DYNC1H1: variants seen among roughly 807,000 people sequenced by gnomAD.
The protein encoded by DYNC1H1 is cytoplasmic dynein 1 heavy chain 1.
DYNC1H1 carries 51 observed loss-of-function variants against 527.1 expected under a neutral mutation model. The ratio of observed to expected loss-of-function variants is 0.10; its 90% CI spans 0.08 to 0.12. The LOEUF is 0.12. Among genes scored for constraint, DYNC1H1 ranks in the 10% least tolerant of loss-of-function variants. The probability of loss-of-function intolerance (pLI) is 1.00; values close to 1 mark genes in which losing one functional copy is unlikely to be tolerated. For synonymous variants in DYNC1H1, 2,189 were observed against 2,278.8 expected, an observed-to-expected ratio of 0.96 and a Z score of 1.12; for missense variants, 2,771 against 5,971.8, an observed-to-expected ratio of 0.46 and a Z score of 17.66.
chr14:102,033,686 C>A lies in DYNC1H1; in HGVS notation c.10413+202C>A. Reference sequence around the variant, plus strand: ...GTTAATTAGGATAGATTGATACAAACTGGACACTTTTCAGCCGTTGAATCC... The same window carrying A: ...GTTAATTAGGATAGATTGATACAAAATGGACACTTTTCAGCCGTTGAATCC... On this transcript the variant is annotated intron_variant, in intron 54 of 77. Coordinates refer to ENST00000360184, the MANE Select transcript of DYNC1H1 (RefSeq NM_001376.5). The surrounding 1 kb of genome is among the most constrained non-coding windows in gnomAD (Gnocchi z 5.6). 1.3e-6 allele frequency: 1 copy of A among 748,486 alleles called. No individual in the cohort carries two copies. Among genetic ancestry groups the A allele is most frequent in the Non-Finnish European group, 2.2e-6 (1 of 452,686 alleles). The allele number at this position is 748,486 out of a possible 1,614,324, so 46.4% of individuals were successfully genotyped here.
rs1387872742 is a variant in DYNC1H1, at chr14:102,016,803, A to G, written c.7652A>G (p.Lys2551Arg). 3.1e-6 allele frequency: 5 copies of G among 1,613,820 alleles called. No individual in the cohort carries two copies. Among genetic ancestry groups the G allele is most frequent in the South Asian group, 1.1e-5 (1 of 91,078 alleles). Residue 2551 changes from lysine (K) to arginine (R), a missense_variant, in exon 38 of 78, where the codon AAG (lysine) becomes AGG (arginine). Physicochemically the swap from Lys to Arg is conservative, Grantham distance 26. Around this residue, in one of 32 missense-constraint regions of DYNC1H1, gnomAD observed 71 missense variants for 143.6 expected, o/e 0.49. Transcript: ENST00000360184. The surrounding 1 kb of genome is among the most constrained non-coding windows in gnomAD (Gnocchi z 7.3). Reference sequence around the variant, plus strand: ...GGAGAATGGTCTCCGTGGCAGGCCAAGGTGCCTCAGATTGAAGTGGAGACG... The same window carrying G: ...GGAGAATGGTCTCCGTGGCAGGCCAGGGTGCCTCAGATTGAAGTGGAGACG... ...ISGEWSPWQA[K>R]VPQIEVETHK...
Position 102,018,442 on chromosome 14 carries a change from T to C in DYNC1H1, c.8178-9T>C. 1 of 1,613,044 alleles carries C rather than the reference T, an allele frequency of 6.2e-7. No individual in the cohort carries two copies. Among genetic ancestry groups the C allele is most frequent in the Non-Finnish European group, 8.5e-7 (1 of 1,179,948 alleles). ...GGGAGGGGCGCTGAGCGGGGCTATC[T>C]GTGCACAGGTTCCTGCGCCACGTGC... On this transcript the variant is annotated splice_polypyrimidine_tract_variant and intron_variant, in intron 40 of 77. Coordinates refer to ENST00000360184, the MANE Select transcript of DYNC1H1 (RefSeq NM_001376.5). This position sits in a 1 kb window ranked among gnomAD's most constrained non-coding sequence, Gnocchi z 5.2.
intron 1 of DYNC1H1, 114 bp from the exon 2 acceptor site, chr14:101,975,598 A>C: frequency 2.2e-6 from 2 of 914,278 alleles, no homozygotes; most frequent in Non-Finnish European, 3.5e-6. Context: ...CAAGTCATGT[A>C]GGTGTCGATA....
At position 102,040,588 on chromosome 14, in the gene DYNC1H1, G is replaced by A. The variant is rs1595630757; in HGVS notation, c.11866-10G>A. 2 of 1,614,142 alleles carry A rather than the reference G, an allele frequency of 1.2e-6. No homozygotes were observed. Among genetic ancestry groups the A allele is most frequent in the Non-Finnish European group, 1.7e-6 (2 of 1,180,042 alleles). ...CTGCTCCATGGGTGCTTCCACTATT[G>A]TCTCCACAGCAATTTGGCATCTGGC... On this transcript the variant is annotated splice_polypyrimidine_tract_variant and intron_variant, in intron 63 of 77. Transcript: ENST00000360184.
At position 102,016,062 on chromosome 14, in the gene DYNC1H1, C is replaced by A. The variant is rs17541158; in HGVS notation, c.7449C>A (p.Ile2483=). Residue 2483 remains isoleucine (I), a synonymous_variant, in exon 36 of 78, where the codon ATC becomes ATA. Coordinates refer to ENST00000360184, the MANE Select transcript of DYNC1H1 (RefSeq NM_001376.5). This position sits in a 1 kb window ranked among gnomAD's most constrained non-coding sequence, Gnocchi z 7.3. ...ACCATCCCGACTTCCCCATGCAGATCGAGCAGCTGGAGCGCTACATTCAGG... is the reference window on the plus strand; with the variant it reads ...ACCATCCCGACTTCCCCATGCAGATAGAGCAGCTGGAGCGCTACATTCAGG... ...NANHPDFPMQ[I]EQLERYIQRY... 1.2e-6 allele frequency: 2 copies of A among 1,611,768 alleles called. No individual in the cohort carries two copies. Among genetic ancestry groups the A allele is most frequent in the Non-Finnish European group, 1.7e-6 (2 of 1,179,300 alleles).
chr14:101,991,781 C>A, intron 11 of DYNC1H1, 108 bp downstream of exon 11: 1 of 1,499,680 alleles, frequency 6.7e-7, no homozygotes, highest in Non-Finnish European at 9.2e-7. Context: ...ATGTTGTTTA[C>A]AAACTCCAGA....
In DYNC1H1 at chr14:102,042,137, G is replaced by A. The variant is rs1362075028; in HGVS notation, c.12214+13G>A. The A allele has an allele frequency of 7.4e-6, 12 of 1,613,980 alleles. No homozygotes were observed. Among genetic ancestry groups the A allele is most frequent in the African/African-American group, 2.7e-5 (2 of 74,892 alleles). Reference sequence around the variant, plus strand: ...TCAATTGCAATCGGTAAGGATGCTTGAGGGGCTTCATGGGCTGGAGCCCTG... The same window carrying A: ...TCAATTGCAATCGGTAAGGATGCTTAAGGGGCTTCATGGGCTGGAGCCCTG... On this transcript the variant is annotated intron_variant, in intron 66 of 77. Coordinates refer to ENST00000360184, the MANE Select transcript of DYNC1H1 (RefSeq NM_001376.5). The surrounding 1 kb of genome is among the most constrained non-coding windows in gnomAD (Gnocchi z 5.7).
Position 102,030,268 on chromosome 14 carries a change from T to A in DYNC1H1, c.9869T>A (p.Ile3290Asn). The change falls in exon 51 of 78, where the codon ATT becomes AAT. Residue 3290 changes from isoleucine to asparagine, a missense_variant. Physicochemically the swap from Ile to Asn is moderately radical, Grantham distance 149. This residue lies in a region of DYNC1H1 where 30 missense variants were observed against 117.8 expected (regional missense o/e 0.25). Coordinates refer to ENST00000360184, the MANE Select transcript of DYNC1H1 (RefSeq NM_001376.5). ...EDLDKVEPAV[I>N]EAQNAVKSIK... ...CTTGATAAGGTGGAACCTGCCGTCA[T>A]TGAGGCCCAGAATGGTATGTAAAGA... 6.2e-7 allele frequency: 1 copy of A among 1,614,126 alleles called. No homozygotes were observed.
intron 10 of DYNC1H1, 121 bp from the exon 11 acceptor site, chr14:101,991,406 A>G (rs1230228497): frequency 2.1e-5 from 27 of 1,263,004 alleles, no homozygotes; most frequent in Middle Eastern, 2.6e-4. Context: ...CGGAGGTTAC[A>G]GTGAGCCAAG....
chr14:102,035,421 A>G (rs2048562524), intron 56 of DYNC1H1: 1 of 152,286 alleles, frequency 6.6e-6, no homozygotes, highest in Non-Finnish European at 1.5e-5. Flanking sequence ...AGAGGGTTCC[A>G]CGTCTCACCG....
chr14:102,033,559 A>G lies in DYNC1H1; in HGVS notation c.10413+75A>G, dbSNP rs1458702928. On this transcript the variant is annotated intron_variant, in intron 54 of 77. Transcript: ENST00000360184. This position sits in a 1 kb window ranked among gnomAD's most constrained non-coding sequence, Gnocchi z 5.6. ...ATTAACACACTTCAACATGCGCTGC[A>G]TGCACCATGCTGGCCTCGGTGAATT... The G allele has an allele frequency of 3.8e-6, 6 of 1,569,396 alleles. No individual in the cohort carries two copies. Among genetic ancestry groups the G allele is most frequent in the East Asian group, 2.3e-5 (1 of 43,258 alleles).
In DYNC1H1 at chr14:102,042,489, C is replaced by T; in HGVS notation, c.12381C>T (p.Thr4127=). ...ATGCCTGCTTCCGACTCTTCCTCAC[C>T]ATGGAGATCAACCCCAAGGTGGGTG... ...QPHACFRLFL[T]MEINPKVPVN... Residue 4127 remains threonine (T), a synonymous_variant, in exon 68 of 78, where the codon ACC becomes ACT. Transcript: ENST00000360184. This position sits in a 1 kb window ranked among gnomAD's most constrained non-coding sequence, Gnocchi z 5.7. The T allele has an allele frequency of 2.5e-6, 4 of 1,614,136 alleles. 1 individual carries two copies. In the South Asian group the frequency reaches 4.4e-5, roughly 18 times the overall value.
rs766750527 is a variant in DYNC1H1, at chr14:102,000,138, C to T, written c.3954C>T (p.Arg1318=). 7.4e-6 allele frequency: 12 copies of T among 1,614,050 alleles called. No individual in the cohort carries two copies. In the East Asian group the frequency reaches 8.9e-5, roughly 12 times the overall value. The part of the protein sequence containing the change: ...DTGLLSGSEE[R]VQVALEELQD... Reference sequence around the variant, plus strand: ...GGCTTCTCAGTGGCAGTGAAGAGCGCGTGCAGGTATGAACCACTGGGGAGT... The same window carrying T: ...GGCTTCTCAGTGGCAGTGAAGAGCGTGTGCAGGTATGAACCACTGGGGAGT... Residue 1318 remains arginine, a synonymous_variant, in exon 17 of 78, where the codon CGC becomes CGT. Transcript: ENST00000360184.
rs755198260 is a variant in DYNC1H1 at position 102,011,767 on chromosome 14, A to G, written c.6619-108A>G. ...ACTCCGTTTCAGGAAAAAAAAAAAAATCCACACATAATGTTTCTTGCTCAC... is the reference window on the plus strand; with the variant it reads ...ACTCCGTTTCAGGAAAAAAAAAAAAGTCCACACATAATGTTTCTTGCTCAC... On this transcript the variant is annotated intron_variant, in intron 32 of 77. Transcript: ENST00000360184. The surrounding 1 kb of genome is among the most constrained non-coding windows in gnomAD (Gnocchi z 5.3). 170 of 1,234,638 alleles carry G rather than the reference A, an allele frequency of 1.4e-4. No individual in the cohort carries two copies. The highest frequency in any genetic ancestry group is 1.9e-4 in the Non-Finnish European group (159 of 859,276). The allele number at this position is 1,234,638 out of a possible 1,614,324, so 76.5% of individuals were successfully genotyped here. A position where few individuals can be genotyped will look rare whatever the true frequency, so the allele number is the denominator to read the frequency against.
At chr14:102,004,454 T>A (rs2048173859) in intron 23 of DYNC1H1, 64 bp from the exon 24 acceptor site, 1 of 1,523,394 alleles carries the variant, frequency 6.6e-7, no homozygotes, top group Non-Finnish European at 8.9e-7. Context: ...TTTGAAATCT[T>A]ACCTTGATTC....
rs1244673565 is a variant in DYNC1H1, at chr14:101,979,346, G to T, written c.372G>T (p.Val124=). Residue 124 remains valine (V), a synonymous_variant, in exon 3 of 78, where the codon GTG becomes GTT. Coordinates refer to ENST00000360184, the MANE Select transcript of DYNC1H1 (RefSeq NM_001376.5). This position sits in a 1 kb window ranked among gnomAD's most constrained non-coding sequence, Gnocchi z 4.6. ...NSLAFIKRTP[V]IDADKPVSSQ... ...TGGCATTCATTAAACGTACTCCCGT[G>T]ATTGATGCAGATAAACCCGTGTCTT... is the stretch of plus-strand genomic sequence containing the variant. 6.2e-7 allele frequency: 1 copy of T among 1,614,028 alleles called. No homozygotes were observed. The highest frequency in any genetic ancestry group is 2.2e-5 in the East Asian group (1 of 44,902).
rs2048246141 is a variant in DYNC1H1, at chr14:102,010,520, C to T, written c.6405+61C>T. 1.9e-6 allele frequency: 3 copies of T among 1,584,294 alleles called. No individual in the cohort carries two copies. In the Admixed American group the frequency reaches 5.3e-5, roughly 28 times the overall value. ...ACGTTATTTAAATTTACCTTTTTAA[C>T]ATTTAAGCCATGACTTGTGAGTTCT... is the stretch of plus-strand genomic sequence containing the variant. On this transcript the variant is annotated intron_variant, in intron 31 of 77. Coordinates refer to ENST00000360184, the MANE Select transcript of DYNC1H1 (RefSeq NM_001376.5). This position sits in a 1 kb window ranked among gnomAD's most constrained non-coding sequence, Gnocchi z 6.0.
At position 102,041,610 on chromosome 14, in the gene DYNC1H1, T is replaced by C. The variant is rs2048650399; in HGVS notation, c.11978T>C (p.Ile3993Thr). ...IGQAIHRLLLIQAFRPDRLLA... is the reference protein window; with the variant it reads ...IGQAIHRLLLTQAFRPDRLLA... ...CAGGCCATCCACCGCCTGCTCCTGA[T>C]CCAGGCTTTCCGGCCCGATCGCCTG... is the stretch of plus-strand genomic sequence containing the variant. Residue 3993 changes from isoleucine to threonine, a missense_variant, in exon 65 of 78, where the codon ATC becomes ACC. Physicochemically the swap from Ile to Thr is moderately conservative, Grantham distance 89. Coordinates refer to ENST00000360184, the MANE Select transcript of DYNC1H1 (RefSeq NM_001376.5). The surrounding 1 kb of genome is among the most constrained non-coding windows in gnomAD (Gnocchi z 4.5). 6.2e-7 allele frequency: 1 copy of C among 1,614,176 alleles called. No homozygotes were observed. Among genetic ancestry groups the C allele is most frequent in the East Asian group, 2.2e-5 (1 of 44,876 alleles).
At chr14:102,006,263 G>A in intron 27 of DYNC1H1, 93 bp downstream of exon 27, 1 of 1,564,734 alleles carries the variant, frequency 6.4e-7, no homozygotes, top group South Asian at 1.1e-5. Flanking sequence ...TTTTGAGATG[G>A]AGTGTCTGTC....
Sources: gnomAD v4.1 joint callset for allele counts on GRCh38, gnomAD v4.1.1 for gene constraint, gnomAD v4.1.1 regional missense constraint, Gnocchi (gnomAD v3.1) non-coding constraint, MANE v1.5 for transcripts, NCBI Gene and HGNC (gene_info 2026-07-23, HGNC 2026-07-21) for gene names.